Variants in MYRIP observed in about 807,000 individuals in gnomAD.
MYRIP encodes the protein rab effector MyRIP.
MYRIP carries 49 observed loss-of-function variants against 98.0 expected under a neutral mutation model. The ratio of observed to expected loss-of-function variants is 0.50; its 90% CI spans 0.40 to 0.63. The LOEUF is 0.63. MYRIP is among the 30% of genes least tolerant of loss of function. MYRIP has a pLI of 0.00. For missense variants in MYRIP, 1,004 were observed against 1,058.2 expected (o/e 0.95, Z 0.71); for synonymous variants, 404 against 409.5 (o/e 0.99, Z 0.16).
chr3:39,921,696 C>T (rs1473036724), intron 2 of MYRIP, among the ~76,000 whole-genome samples: 2 of 152,000 alleles, frequency 1.3e-5, no homozygotes, highest in East Asian at 3.9e-4. Flanking sequence ...GCCTGGCCAA[C>T]ATGGTGAAAC....
intron 11 of MYRIP, among the ~76,000 whole-genome samples, chr3:40,223,333 CAT>C (rs1324552084): frequency 6.6e-6 from 1 of 152,134 alleles, no homozygotes; most frequent in African/African-American, 2.4e-5. Flanking sequence ...AGATATTACT[CAT>C]ATTTTTTAAA....
At chr3:40,118,024 AC>A (rs1949319918) in intron 3 of MYRIP, among the ~76,000 whole-genome samples, 1 of 35,176 alleles carries the variant, frequency 2.8e-5, no homozygotes, top group African/African-American at 7.4e-5. Context: ...CAAATCCAAA[AC>A]AAAAAGCCCA....
chr3:40,076,617 T>G (rs1411925264), intron 3 of MYRIP, among the ~76,000 whole-genome samples: 1 of 152,228 alleles, frequency 6.6e-6, no homozygotes, highest in Non-Finnish European at 1.5e-5. Flanking sequence ...AGGACCACCT[T>G]CTGTACAAAG....
chr3:40,041,022 G>GAA, intron 2 of MYRIP, among the ~76,000 whole-genome samples: 1,565 of 41,188 alleles, frequency 0.038, 81 homozygotes, highest in African/African-American at 0.099. Context: ...ATTACCAGCA[G>GAA]AAAAAAAAAA....
chr3:39,936,486 C>T (rs1423721342), intron 2 of MYRIP, among the ~76,000 whole-genome samples: 1 of 152,028 alleles, frequency 6.6e-6, no homozygotes, highest in Non-Finnish European at 1.5e-5. Context: ...CTTGAGAGCC[C>T]CAGTATCTCC....
rs1044699644 is a variant in MYRIP, at chr3:39,944,367, A to T, written c.110+43441A>T. Among the ~76,000 whole-genome samples, 5 of 152,116 alleles carry T rather than the reference A, an allele frequency of 3.3e-5. No individual in the cohort carries two copies. The East Asian group carries it at 7.7e-4, about 23-fold the overall frequency. ...GATAATGGAATGCCATGTTGTTATT[A>T]AAAAAAGAATAAGGAAGTACTCTAT... On this transcript the variant is annotated intron_variant, in intron 2 of 16. Coordinates refer to ENST00000302541, the MANE Select transcript of MYRIP (RefSeq NM_015460.4).
At chr3:40,162,530 A>G (rs1950418254) in intron 4 of MYRIP, among the ~76,000 whole-genome samples, 200 bp from the exon 5 acceptor site, 1 of 152,224 alleles carries the variant, frequency 6.6e-6, no homozygotes, top group Admixed American at 6.5e-5. Context: ...CTGCACCAGG[A>G]ATCAGTGTGA....
intron 2 of MYRIP, among the ~76,000 whole-genome samples, chr3:39,914,630 T>C (rs1944110835): frequency 6.6e-6 from 1 of 152,078 alleles, no homozygotes; most frequent in Non-Finnish European, 1.5e-5. Flanking sequence ...TTTTTAAGTA[T>C]AGAACTCCAA....
intron 16 of MYRIP, among the ~76,000 whole-genome samples, chr3:40,254,569 G>A (rs1339778412): frequency 3.3e-5 from 5 of 152,032 alleles, no homozygotes; most frequent in Admixed American, 2.6e-4. Flanking sequence ...ACACCTTAGG[G>A]TACAGATCTT....
intron 1 of MYRIP, among the ~76,000 whole-genome samples, chr3:39,864,733 T>C (rs1942573923): frequency 6.6e-6 from 1 of 152,110 alleles, no homozygotes; most frequent in African/African-American, 2.4e-5. Context: ...CCCAAAGCAA[T>C]TTACAGATTT....
intron 3 of MYRIP, among the ~76,000 whole-genome samples, chr3:40,053,451 T>C (rs1317147775): frequency 6.6e-6 from 1 of 152,190 alleles, no homozygotes; most frequent in Non-Finnish European, 1.5e-5. Context: ...TATTTTCCAT[T>C]CACTAGTTCT....
intron 2 of MYRIP, among the ~76,000 whole-genome samples, chr3:39,915,552 A>G (rs76890883): frequency 0.018 from 2,759 of 152,148 alleles, 68 homozygotes; most frequent in East Asian, 0.089. Context: ...ATGAATTTCA[A>G]CCAAGAGATT....
intron 2 of MYRIP, among the ~76,000 whole-genome samples, chr3:40,006,547 G>A (rs890836158): frequency 2.0e-5 from 3 of 152,122 alleles, no homozygotes; most frequent in Non-Finnish European, 4.4e-5. Flanking sequence ...TCAAGAAAAC[G>A]TCCTGTTTCT....
intron 2 of MYRIP, among the ~76,000 whole-genome samples, chr3:39,927,684 C>G (rs2125696690): frequency 6.6e-6 from 1 of 152,094 alleles, no homozygotes; most frequent in South Asian, 2.1e-4. Context: ...CTCCCTAACT[C>G]ATTCTGCAAA....
At chr3:40,226,759 T>C (rs1032878913) in intron 11 of MYRIP, among the ~76,000 whole-genome samples, 4 of 152,188 alleles carry the variant, frequency 2.6e-5, no homozygotes, top group African/African-American at 7.2e-5. Context: ...GATGCACTTA[T>C]CCCAGAGCCT....
At chr3:39,961,790 A>T (rs1945330881) in intron 2 of MYRIP, among the ~76,000 whole-genome samples, 1 of 152,124 alleles carries the variant, frequency 6.6e-6, no homozygotes, top group Admixed American at 6.6e-5. Flanking sequence ...TTGTTTTGAG[A>T]TATCTGCTTC....
chr3:39,874,679 C>T (rs966608254), intron 1 of MYRIP, among the ~76,000 whole-genome samples: 2 of 152,276 alleles, frequency 1.3e-5, no homozygotes, highest in African/African-American at 4.8e-5. Context: ...CCTTGCATCC[C>T]AGGGATGAAG....
At chr3:39,897,525 C>T (rs559881737) in intron 1 of MYRIP, among the ~76,000 whole-genome samples, 10 of 152,248 alleles carry the variant, frequency 6.6e-5, no homozygotes, top group South Asian at 4.2e-4. Flanking sequence ...GTAGGGGCAC[C>T]GGTCTGGAAG....
intron 2 of MYRIP, among the ~76,000 whole-genome samples, chr3:39,959,606 G>A (rs1278573612): frequency 6.6e-6 from 1 of 151,632 alleles, no homozygotes; most frequent in Non-Finnish European, 1.5e-5. Context: ...ACACCAGCAT[G>A]GCACATGTAT....
Sources: gnomAD v4.1 joint callset for allele counts (sites outside exome capture counted in the v4.1 genomes callset) on GRCh38, gnomAD v4.1.1 for gene constraint, MANE v1.5 for transcripts, NCBI Gene and HGNC (gene_info 2026-07-23, HGNC 2026-07-21) for gene names.